Variants in NLRP4 observed in about 807,000 individuals in gnomAD.
The protein encoded by NLRP4 is NLR family pyrin domain containing 4, also known as NACHT, LRR and PYD domains-containing protein 4.
NLRP4 carries 44 observed loss-of-function variants against 84.7 expected under a neutral mutation model. The observed-to-expected ratio is 0.52, with a 90% CI of 0.41 to 0.67. The LOEUF (loss-of-function observed/expected upper bound fraction) is 0.67. Ranked by LOEUF, NLRP4 falls within the 30% of genes least tolerant of loss-of-function variation. NLRP4 has a pLI of 0.00. For missense variants in NLRP4, 1,260 were observed against 1,219.4 expected, an observed-to-expected ratio of 1.03 and a Z score of -0.50; for synonymous variants, 544 against 476.4, an observed-to-expected ratio of 1.14 and a Z score of -1.85.
chr19:55,870,743 A>G, intron 6 of NLRP4, 84 bp from the exon 7 acceptor site: 1 of 944,590 alleles, frequency 1.1e-6, no homozygotes, highest in East Asian at 2.4e-5. Context: ...TTATAGAAAT[A>G]TTACCCTGAA....
At chr19:55,838,857 ATAT>A (rs962977406) in intron 1 of NLRP4, among the ~76,000 whole-genome samples, 2 of 152,114 alleles carry the variant, frequency 1.3e-5, no homozygotes, top group African/African-American at 4.8e-5. Flanking sequence ...TAATAGAATG[ATAT>A]TATCTAATGT....
At chr19:55,870,328 T>A (rs1419849769) in intron 6 of NLRP4, among the ~76,000 whole-genome samples, 1 of 152,198 alleles carries the variant, frequency 6.6e-6, no homozygotes, top group East Asian at 1.9e-4. Flanking sequence ...TCCTTCTGCA[T>A]TACCCTCTTA....
At chr19:55,860,098 G>A (rs1452951593) in intron 3 of NLRP4, among the ~76,000 whole-genome samples, 1 of 150,046 alleles carries the variant, frequency 6.7e-6, no homozygotes, top group East Asian at 2.0e-4. Context: ...CCATTCTCCT[G>A]CCTCGGCCTC....
At chr19:55,868,695 T>G (rs559844121) in intron 6 of NLRP4, among the ~76,000 whole-genome samples, 1 of 152,032 alleles carries the variant, frequency 6.6e-6, no homozygotes, top group South Asian at 2.1e-4. Flanking sequence ...AGAGATGGGG[T>G]TTCTCCACGT....
rs1265022691 is a variant in NLRP4, at chr19:55,858,331, G to C, written c.938G>C (p.Cys313Ser). Residue 313 changes from cysteine (C) to serine (S), a missense_variant, in exon 3 of 10, where the codon TGT becomes TCT. Cys to Ser is a moderately radical substitution (Grantham distance 112, BLOSUM62 -1). Transcript: ENST00000301295. This position sits in a 1 kb window ranked among gnomAD's most constrained non-coding sequence, Gnocchi z 4.2. ...NESDRLVYFC[C>S]FFKDPKRAME... is the part of the protein sequence containing the mutation. ...AGTGATAGGTTAGTGTATTTCTGCT[G>C]TTTCTTCAAAGACCCGAAAAGAGCC... is the stretch of plus-strand genomic sequence containing the variant. 2.5e-6 allele frequency: 4 copies of C among 1,614,162 alleles called. No homozygotes were observed. The highest frequency in any genetic ancestry group is 3.4e-6 in the Non-Finnish European group (4 of 1,180,020).
chr19:55,844,434 C>T (rs555480674), intron 1 of NLRP4, among the ~76,000 whole-genome samples: 1 of 152,240 alleles, frequency 6.6e-6, no homozygotes, highest in Admixed American at 6.5e-5. Context: ...CATACCACCA[C>T]TTGGCTAAGT....
chr19:55,881,738 C>G lies in NLRP4; in HGVS notation c.*151C>G, dbSNP rs531736859. On this transcript the variant is annotated 3_prime_UTR_variant, in exon 10 of 10. Transcript: ENST00000301295. ...CCATTCATAGATTTGATATGATACA[C>G]GTGGTTTTTATGTGCTCTGTGGCCT... 1 of 508,028 alleles carries G rather than the reference C, an allele frequency of 2.0e-6. No individual in the cohort carries two copies. The highest frequency in any genetic ancestry group is 1.9e-5 in the African/African-American group (1 of 51,586). The allele number at this position is 508,028 out of a possible 1,614,324, so 31.5% of individuals were successfully genotyped here.
chr19:55,839,514 A>G (rs1047444905), intron 1 of NLRP4, among the ~76,000 whole-genome samples: 1 of 151,814 alleles, frequency 6.6e-6, no homozygotes, highest in Non-Finnish European at 1.5e-5. Flanking sequence ...AACTTCACAC[A>G]CACAAAATAG....
intron 2 of NLRP4, among the ~76,000 whole-genome samples, chr19:55,854,536 A>T (rs1333220616): frequency 6.6e-6 from 1 of 152,150 alleles, no homozygotes; most frequent in Non-Finnish European, 1.5e-5. Context: ...AGAATCTGTA[A>T]TATCTTGTTC....
chr19:55,855,730 A>AT (rs1428476250), intron 2 of NLRP4, among the ~76,000 whole-genome samples: 1 of 152,258 alleles, frequency 6.6e-6, no homozygotes, highest in East Asian at 1.9e-4. Context: ...CACTTGCAGA[A>AT]TATAAACATC....
chr19:55,874,531 G>A (rs1985300326), intron 7 of NLRP4, among the ~76,000 whole-genome samples: 1 of 152,046 alleles, frequency 6.6e-6, no homozygotes. Context: ...TGAAAATTTA[G>A]ATATTTTCAA....
intron 2 of NLRP4, chr19:55,857,381 A>G (rs942261150): frequency 4.6e-6 from 2 of 437,254 alleles, no homozygotes; most frequent in Non-Finnish European, 8.0e-6. Context: ...GAAGTTGTCA[A>G]CCTTTTTGTG....
intron 7 of NLRP4, among the ~76,000 whole-genome samples, chr19:55,874,496 T>C (rs1442464882): frequency 6.6e-6 from 1 of 152,164 alleles, no homozygotes; most frequent in Non-Finnish European, 1.5e-5. Flanking sequence ...AAAGATTACA[T>C]ATGAGCAACT....
chr19:55,854,940 T>A (rs1600227542), intron 2 of NLRP4, among the ~76,000 whole-genome samples: 2 of 152,184 alleles, frequency 1.3e-5, no homozygotes, highest in East Asian at 3.9e-4. Flanking sequence ...GCCAGGCTGG[T>A]GTTGAACTGC....
At chr19:55,853,917 T>TTCTCTTTC (rs1555808062) in intron 2 of NLRP4, among the ~76,000 whole-genome samples, 26 of 117,228 alleles carry the variant, frequency 2.2e-4, no homozygotes, top group African/African-American at 8.0e-4. Flanking sequence ...TTCTCTTTCT[T>TTCTCTTTC]TCTCTTTCTC....
chr19:55,836,682 C>G lies in NLRP4; in HGVS notation c.-318C>G, dbSNP rs997206562. 2.6e-5 allele frequency: 4 copies of G among 152,298 alleles called. No individual in the cohort carries two copies. The highest frequency in any genetic ancestry group is 9.7e-5 in the African/African-American group (4 of 41,416). 9.4% of individuals were successfully genotyped at this position (152,298 alleles called of 1,614,324 possible). On this transcript the variant is annotated 5_prime_UTR_variant, in exon 1 of 10. In the 5' UTR this introduces an upstream ATG that the reference lacks. Transcript: ENST00000301295. ...GTCTCCTTTCTTGAGGCTGATCGAT[C>G]ACAGCCAGGCCTCTCCATTCTATTT...
Position 55,858,705 on chromosome 19 carries a change from C to T in NLRP4, c.1312C>T (p.Leu438Phe), listed in dbSNP as rs370249623. The T allele has an allele frequency of 6.2e-7, 1 of 1,614,176 alleles. No homozygotes were observed. The highest frequency in any genetic ancestry group is 8.5e-7 in the Non-Finnish European group (1 of 1,180,026). ...CCCTGCGCTGCTGGGCACCAAGATA[C>T]TTCTGAAGTACGGGGAGCGTGAGAG... ...DIPALLGTKI[L>F]LKYGERESSY... The change falls in exon 3 of 10, where the codon CTT becomes TTT. Residue 438 changes from leucine (L) to phenylalanine (F), a missense_variant. Physicochemically the swap from Leu to Phe is conservative, Grantham distance 22 (BLOSUM62 0). Transcript: ENST00000301295. The surrounding 1 kb of genome is among the most constrained non-coding windows in gnomAD (Gnocchi z 4.2).
rs1001835082 is a variant in NLRP4 at position 55,862,168 on chromosome 19, C to G, written c.2186+9C>G. ...AACGTCAAAGAGCTAGCGTAAGTCT[C>G]CGTTTATTGAGACCACTGATTGGGT... On this transcript the variant is annotated intron_variant, in intron 5 of 9. Transcript: ENST00000301295. 1 of 1,601,034 alleles carries G rather than the reference C, an allele frequency of 6.2e-7. No individual in the cohort carries two copies. Among genetic ancestry groups the G allele is most frequent in the Non-Finnish European group, 8.5e-7 (1 of 1,170,970 alleles).
Position 55,881,344 on chromosome 19 carries a change from T to C in NLRP4, c.2868-126T>C, listed in dbSNP as rs1985581859. ...ACCGCTGCATTTGATGTGTATGTCTTTCCTCTTGGAGGTAACACCAGGGTT... is the reference window on the plus strand; with the variant it reads ...ACCGCTGCATTTGATGTGTATGTCTCTCCTCTTGGAGGTAACACCAGGGTT... On this transcript the variant is annotated intron_variant, in intron 9 of 9. Transcript: ENST00000301295. The C allele has an allele frequency of 5.1e-6, 3 of 588,888 alleles. No homozygotes were observed. In the African/African-American group the frequency reaches 5.6e-5, roughly 11 times the overall value. 36.5% of individuals were successfully genotyped at this position (588,888 alleles called of 1,614,324 possible). A position where few individuals can be genotyped will look rare whatever the true frequency, so the allele number is the denominator to read the frequency against.
Sources: gnomAD v4.1 joint callset for allele counts (sites outside exome capture counted in the v4.1 genomes callset) on GRCh38, gnomAD v4.1.1 for gene constraint, Gnocchi (gnomAD v3.1) non-coding constraint, MANE v1.5 for transcripts, NCBI Gene and HGNC (gene_info 2026-07-23, HGNC 2026-07-21) for gene names.